The following OSBP2 variants were observed in gnomAD, a reference collection of about 807,000 sequenced individuals.
OSBP2 encodes the protein oxysterol binding protein 2.
OSBP2 carries 66 observed loss-of-function variants against 96.0 expected under a neutral mutation model. That is an observed-to-expected ratio of 0.69 (90% CI 0.56 to 0.84). OSBP2 has a LOEUF of 0.84. OSBP2 is among the 40% of genes least tolerant of loss of function. OSBP2 has a pLI of 0.00. For missense variants in OSBP2, 1,038 were observed against 1,222.7 expected (o/e 0.85, Z 2.25); for synonymous variants, 525 against 520.9 (o/e 1.01, Z -0.11).
chr22:30,861,572 C>T (rs903364564), intron 2 of OSBP2, among the ~76,000 whole-genome samples: 1 of 152,198 alleles, frequency 6.6e-6, no homozygotes, highest in Non-Finnish European at 1.5e-5. Flanking sequence ...ATCTGATTTT[C>T]CATCAGATTA....
chr22:30,746,485 C>CTTTTTTTTTTTTTT (rs34500140), intron 2 of OSBP2, among the ~76,000 whole-genome samples: 1 of 101,530 alleles, frequency 9.8e-6, no homozygotes, highest in Non-Finnish European at 1.8e-5. Flanking sequence ...GGATGAAACA[C>CTTTTTTTTTTTTTT]TTTTTTTTTT....
At chr22:30,763,924 TACTTGAC>T (rs1318057273) in intron 2 of OSBP2, among the ~76,000 whole-genome samples, 2 of 152,196 alleles carry the variant, frequency 1.3e-5, no homozygotes, top group African/African-American at 2.4e-5. Flanking sequence ...AGTATCCTTT[TACTTGAC>T]ACAGGGGGGC....
intron 2 of OSBP2, among the ~76,000 whole-genome samples, chr22:30,751,034 C>T (rs1477441849): frequency 3.3e-5 from 5 of 152,176 alleles, no homozygotes; most frequent in African/African-American, 1.2e-4. Flanking sequence ...AGCCACTGCA[C>T]CCGGCCTCTA....
chr22:30,719,343 A>T (rs1317417162), intron 1 of OSBP2, among the ~76,000 whole-genome samples: 1 of 151,926 alleles, frequency 6.6e-6, no homozygotes. Flanking sequence ...GTGTTCAGTA[A>T]CTGATAGCCA....
chr22:30,883,535 CAG>C (rs2039744459), intron 3 of OSBP2, among the ~76,000 whole-genome samples: 1 of 152,202 alleles, frequency 6.6e-6, no homozygotes, highest in Admixed American at 6.5e-5. Context: ...ACTAACTTGA[CAG>C]AGCACTGGGC....
At chr22:30,716,067 A>T (rs1246378172) in intron 1 of OSBP2, among the ~76,000 whole-genome samples, 1 of 141,572 alleles carries the variant, frequency 7.1e-6, no homozygotes, top group Non-Finnish European at 1.5e-5. Context: ...TTGAGACAGA[A>T]TCTCGCTCTT....
chr22:30,790,829 T>C (rs1284055118), intron 2 of OSBP2, among the ~76,000 whole-genome samples: 1 of 151,956 alleles, frequency 6.6e-6, no homozygotes, highest in Non-Finnish European at 1.5e-5. Flanking sequence ...CGTATCTCTA[T>C]GTTTGCTTCA....
In OSBP2 at chr22:30,762,992, T is replaced by C. The variant is rs537227062; in HGVS notation, c.853+21623T>C. ...GGAAGCAGAGATGCTGGAGCCAGCC[T>C]GCCTGGGTTCAAATCGTGGCTCCCA... On this transcript the variant is annotated intron_variant, in intron 2 of 13. Coordinates refer to ENST00000332585, the MANE Select transcript of OSBP2 (RefSeq NM_030758.4). Among the ~76,000 whole-genome samples, 274 of 152,334 alleles carry C rather than the reference T, an allele frequency of 1.8e-3. 1 individual carries two copies. The highest frequency in any genetic ancestry group is 6.0e-3 in the African/African-American group (251 of 41,584).
intron 2 of OSBP2, among the ~76,000 whole-genome samples, chr22:30,748,913 C>T (rs1315864958): frequency 6.6e-6 from 1 of 152,096 alleles, no homozygotes; most frequent in East Asian, 1.9e-4. Flanking sequence ...GTCAGGAGTT[C>T]GAGATCAGCG....
intron 1 of OSBP2, among the ~76,000 whole-genome samples, chr22:30,733,700 A>C (rs966754366): frequency 6.6e-6 from 1 of 152,142 alleles, no homozygotes; most frequent in Non-Finnish European, 1.5e-5. Context: ...CTAACCATAG[A>C]TGGTCTCCAT....
At chr22:30,889,332 G>T in intron 6 of OSBP2, 98 bp downstream of exon 6, 1 of 1,431,818 alleles carries the variant, frequency 7.0e-7, no homozygotes, top group South Asian at 1.2e-5. Context: ...CAGCAGGCAG[G>T]CCCATGCCCC....
intron 2 of OSBP2, among the ~76,000 whole-genome samples, chr22:30,781,295 T>C (rs930133529): frequency 3.9e-5 from 6 of 152,012 alleles, no homozygotes; most frequent in Non-Finnish European, 7.4e-5. Flanking sequence ...GTTTTTGTTT[T>C]TTACATCCAC....
chr22:30,703,810 A>G (rs575933846), intron 1 of OSBP2, among the ~76,000 whole-genome samples: 1 of 152,270 alleles, frequency 6.6e-6, no homozygotes, highest in East Asian at 1.9e-4. Context: ...TTTTCTGTGT[A>G]TCTGATGGCT....
chr22:30,832,991 C>T (rs764979635), intron 2 of OSBP2, among the ~76,000 whole-genome samples: 3 of 152,198 alleles, frequency 2.0e-5, no homozygotes, highest in African/African-American at 4.8e-5. Flanking sequence ...CATAGATACT[C>T]GTGTTCTTTT....
At chr22:30,820,766 T>C (rs5997775) in intron 2 of OSBP2, among the ~76,000 whole-genome samples, 6 of 152,350 alleles carry the variant, frequency 3.9e-5, no homozygotes, top group African/African-American at 1.4e-4. Flanking sequence ...TGTGGTGCTC[T>C]TCATTTTGCA....
intron 1 of OSBP2, among the ~76,000 whole-genome samples, chr22:30,704,467 A>G (rs1602144884): frequency 6.6e-6 from 1 of 151,430 alleles, no homozygotes; most frequent in Admixed American, 6.6e-5. Context: ...TCATGTGGGC[A>G]CCTTCTGTTT....
chr22:30,791,471 C>T (rs893253032), intron 2 of OSBP2, among the ~76,000 whole-genome samples: 5 of 151,598 alleles, frequency 3.3e-5, no homozygotes, highest in South Asian at 2.1e-4. Context: ...GGATTACAGG[C>T]GTGTGCCCCC....
intron 2 of OSBP2, among the ~76,000 whole-genome samples, chr22:30,762,667 C>T (rs927540237): frequency 4.6e-5 from 7 of 152,256 alleles, no homozygotes; most frequent in South Asian, 4.1e-4. Context: ...AATGCTGTAC[C>T]TCTTGTTGGC....
intron 2 of OSBP2, among the ~76,000 whole-genome samples, chr22:30,857,460 G>A (rs1027348520): frequency 1.3e-5 from 2 of 152,218 alleles, no homozygotes; most frequent in African/African-American, 4.8e-5. Flanking sequence ...GGAAATAGTC[G>A]CGACCGATAT....
Sources: allele counts gnomAD v4.1 joint callset (sites outside exome capture counted in the v4.1 genomes callset), GRCh38; gene constraint gnomAD v4.1.1; transcripts MANE v1.5; gene names NCBI Gene and HGNC (gene_info 2026-07-23, HGNC 2026-07-21).